GULP1: variants seen among roughly 807,000 people sequenced by gnomAD.
GULP1 encodes the protein PTB domain-containing engulfment adapter protein 1.
GULP1 carries 19 observed loss-of-function variants against 40.9 expected under a neutral mutation model. The observed-to-expected ratio is 0.46, with a 90% confidence interval of 0.32 to 0.68. The LOEUF is 0.68. Among genes scored for constraint, GULP1 ranks in the 30% least tolerant of loss-of-function variants. GULP1 has a pLI of 0.03. For synonymous variants in GULP1, 119 were observed against 117.6 expected (o/e 1.01, Z -0.08); for missense variants, 312 against 362.2 (o/e 0.86, Z 1.12).
At chr2:188,549,087 A>C (rs1692749867) in intron 7 of GULP1, among the ~76,000 whole-genome samples, 1 of 151,914 alleles carries the variant, frequency 6.6e-6, no homozygotes, top group African/African-American at 2.4e-5. Flanking sequence ...AGGATTTAAA[A>C]TGGGGGAAAA....
intron 7 of GULP1, among the ~76,000 whole-genome samples, chr2:188,566,419 AT>A (rs1697674867): frequency 1.3e-5 from 2 of 152,086 alleles, no homozygotes; most frequent in African/African-American, 4.8e-5. Context: ...AGTTATTAAT[AT>A]AAATAAATAA....
chr2:188,477,749 T>G lies in GULP1; in HGVS notation c.28+19T>G. On this transcript the variant is annotated intron_variant, in intron 3 of 11. Transcript: ENST00000409830. ...AAGAAAGGTAAGTGTGGTCATTTTT[T>G]AAAACTTGGGAGTCAAGCCAATGTT... 1 of 1,586,074 alleles carries G rather than the reference T, an allele frequency of 6.3e-7. No homozygotes were observed. The highest frequency in any genetic ancestry group is 8.6e-7 in the Non-Finnish European group (1 of 1,163,772).
chr2:188,346,485 T>C (rs575756207), intron 1 of GULP1, among the ~76,000 whole-genome samples: 1 of 152,090 alleles, frequency 6.6e-6, no homozygotes, highest in East Asian at 2.0e-4. Context: ...CTCTTTTTTT[T>C]TCTTTCTTTT....
At chr2:188,387,235 T>A (rs1230982471) in intron 2 of GULP1, among the ~76,000 whole-genome samples, 5 of 146,338 alleles carry the variant, frequency 3.4e-5, no homozygotes, top group African/African-American at 1.2e-4. Flanking sequence ...AGACTCCATC[T>A]AAAAAAAAAA....
chr2:188,502,948 C>T (rs1236995930), intron 4 of GULP1, among the ~76,000 whole-genome samples: 1 of 151,872 alleles, frequency 6.6e-6, no homozygotes, highest in Non-Finnish European at 1.5e-5. Flanking sequence ...GGGAAGAGTG[C>T]TGTGTCCTCA....
At chr2:188,530,894 G>A (rs1053679090) in intron 6 of GULP1, among the ~76,000 whole-genome samples, 2 of 152,068 alleles carry the variant, frequency 1.3e-5, no homozygotes, top group African/African-American at 4.8e-5. Context: ...TTATAAATAC[G>A]TATCGTCAAA....
intron 1 of GULP1, among the ~76,000 whole-genome samples, chr2:188,334,214 G>T (rs1440521463): frequency 6.6e-6 from 1 of 152,162 alleles, no homozygotes; most frequent in Non-Finnish European, 1.5e-5. Flanking sequence ...AAGTTAATTT[G>T]CAATTAATAA....
intron 2 of GULP1, among the ~76,000 whole-genome samples, chr2:188,436,420 A>G (rs1023100367): frequency 2.0e-5 from 3 of 152,100 alleles, no homozygotes; most frequent in Non-Finnish European, 2.9e-5. Flanking sequence ...ATATCAAAGT[A>G]TAGGTCCTCA....
intron 1 of GULP1, among the ~76,000 whole-genome samples, chr2:188,295,616 C>T (rs949183317): frequency 2.6e-5 from 4 of 151,888 alleles, no homozygotes; most frequent in South Asian, 2.1e-4. Context: ...AACTCTTTTT[C>T]GGGTGAACAG....
At chr2:188,565,008 A>T (rs1373587997) in intron 7 of GULP1, among the ~76,000 whole-genome samples, 1 of 151,974 alleles carries the variant, frequency 6.6e-6, no homozygotes, top group Non-Finnish European at 1.5e-5. Context: ...GGAAAAAATT[A>T]TGAAAATTAT....
chr2:188,368,968 T>TATATATATAC (rs2047228895), intron 1 of GULP1, among the ~76,000 whole-genome samples: 1 of 132,248 alleles, frequency 7.6e-6, no homozygotes, highest in African/African-American at 3.1e-5. Flanking sequence ...TATATATATA[T>TATATATATAC]ATATATATAT....
At position 188,366,353 on chromosome 2, in the gene GULP1, G is replaced by A. The variant is rs150346156; in HGVS notation, c.-171-17410G>A. Among the ~76,000 whole-genome samples the A allele has an allele frequency of 4.6e-4, 70 of 152,186 alleles. 1 individual carries two copies. The highest frequency in any genetic ancestry group is 1.6e-3 in the African/African-American group (65 of 41,516). ...AATTATTTTCCCTAGACAGATTGAT[G>A]TTTATGAAGTTCATGATGTTATGTG... On this transcript the variant is annotated intron_variant, in intron 1 of 11. Coordinates refer to ENST00000409830, the MANE Select transcript of GULP1 (RefSeq NM_016315.4).
At chr2:188,583,134 T>C (rs1701656367) in intron 9 of GULP1, among the ~76,000 whole-genome samples, 1 of 152,074 alleles carries the variant, frequency 6.6e-6, no homozygotes, top group South Asian at 2.1e-4. Flanking sequence ...AGGGGAATGG[T>C]ATTGCTGAGT....
chr2:188,407,509 T>C (rs2053282439), intron 2 of GULP1, among the ~76,000 whole-genome samples: 2 of 152,158 alleles, frequency 1.3e-5, no homozygotes, highest in South Asian at 4.1e-4. Flanking sequence ...AAACATAAAA[T>C]GTGAGTGATA....
chr2:188,448,804 A>C (rs537645056), intron 2 of GULP1, among the ~76,000 whole-genome samples: 1 of 152,178 alleles, frequency 6.6e-6, no homozygotes, highest in East Asian at 1.9e-4. Context: ...TGGCTGTCCT[A>C]ATGATAGTAA....
chr2:188,579,046 C>G (rs1473948436), intron 9 of GULP1, among the ~76,000 whole-genome samples: 4 of 152,080 alleles, frequency 2.6e-5, no homozygotes, highest in African/African-American at 9.7e-5. Context: ...AGTACAGAAT[C>G]AAGCACCAAA....
intron 2 of GULP1, among the ~76,000 whole-genome samples, chr2:188,456,462 C>T (rs891997067): frequency 6.6e-6 from 1 of 152,148 alleles, no homozygotes; most frequent in Non-Finnish European, 1.5e-5. Context: ...TCAGAGGGTG[C>T]AAACTTAAGG....
chr2:188,481,881 G>A (rs1004002884), intron 3 of GULP1, among the ~76,000 whole-genome samples: 1 of 151,862 alleles, frequency 6.6e-6, no homozygotes, highest in Admixed American at 6.6e-5. Context: ...TTCTTTTAAT[G>A]TATAAAAGCA....
chr2:188,325,707 G>A (rs2040660457), intron 1 of GULP1, among the ~76,000 whole-genome samples: 1 of 152,046 alleles, frequency 6.6e-6, no homozygotes, highest in African/African-American at 2.4e-5. Context: ...ATAGGGCAGG[G>A]AATAAAGAGA....
Sources: gnomAD v4.1 joint callset for allele counts (sites outside exome capture counted in the v4.1 genomes callset) on GRCh38, gnomAD v4.1.1 for gene constraint, MANE v1.5 for transcripts, NCBI Gene and HGNC (gene_info 2026-07-23, HGNC 2026-07-21) for gene names.